ZNF236: variants seen among roughly 807,000 people sequenced by gnomAD.
The protein encoded by ZNF236 is zinc finger protein 236, also known as regulated by glucose.
A neutral mutation model predicts 191.2 loss-of-function variants in ZNF236; 50 were observed. The ratio of observed to expected loss-of-function variants is 0.26; its 90% confidence interval spans 0.21 to 0.33. The LOEUF is 0.33. Among genes scored for constraint, ZNF236 ranks in the 10% least tolerant of loss-of-function variants. The pLI, the probability that ZNF236 is intolerant of heterozygous loss-of-function variation, is 1.00. For missense variants in ZNF236, 1,754 were observed against 2,374.5 expected (o/e 0.74, Z 5.43); for synonymous variants, 907 against 928.8 (o/e 0.98, Z 0.43).
At position 76,925,219 on chromosome 18, in the gene ZNF236, G is replaced by T; in HGVS notation, c.3692G>T (p.Ser1231Ile). Residue 1231 changes from serine to isoleucine, a missense_variant, in exon 22 of 31, where the codon AGC (serine) becomes ATC (isoleucine). Ser to Ile is a moderately radical substitution (Grantham distance 142, BLOSUM62 -2). Transcript: ENST00000320610. This position sits in a 1 kb window ranked among gnomAD's most constrained non-coding sequence, Gnocchi z 5.7. Reference protein sequence around the residue: ...GQKLFSCHVCSNAFSTKGSLK... With the variant: ...GQKLFSCHVCINAFSTKGSLK... ...AAGCTCTTCAGCTGTCACGTCTGCAGCAACGCCTTCTCCACGAAGGGAAGT... is the reference window on the plus strand; with the variant it reads ...AAGCTCTTCAGCTGTCACGTCTGCATCAACGCCTTCTCCACGAAGGGAAGT... 6.2e-7 allele frequency: 1 copy of T among 1,614,100 alleles called. No individual in the cohort carries two copies.
At chr18:76,949,712 G>GC (rs35694636) in intron 27 of ZNF236, among the ~76,000 whole-genome samples, 35,099 of 149,532 alleles carry the variant, frequency 0.23, 5,126 homozygotes, top group East Asian at 0.32. Context: ...AGGCTAGAGT[G>GC]CAGTGGTGCA....
chr18:76,968,870 C>T lies in ZNF236; in HGVS notation c.*531C>T, dbSNP rs540144911. 19 of 987,458 alleles carry T rather than the reference C, an allele frequency of 1.9e-5. No individual in the cohort carries two copies. In the East Asian group the frequency reaches 2.0e-3, roughly 106 times the overall value. 61.2% of individuals were successfully genotyped at this position (987,458 alleles called of 1,614,324 possible). On this transcript the variant is annotated 3_prime_UTR_variant, in exon 31 of 31. Coordinates refer to ENST00000320610, the MANE Select transcript of ZNF236 (RefSeq NM_001306089.2). Reference sequence around the variant, plus strand: ...AAAATTAGTCAAAATGGACTCTTTTCAGTCTACCATAAGTTAATATAACTG... The same window carrying T: ...AAAATTAGTCAAAATGGACTCTTTTTAGTCTACCATAAGTTAATATAACTG...
chr18:76,838,733 C>G (rs1975403614), intron 1 of ZNF236, among the ~76,000 whole-genome samples: 1 of 152,160 alleles, frequency 6.6e-6, no homozygotes, highest in Non-Finnish European at 1.5e-5. Context: ...TTTGAGTAAA[C>G]TATATTGATA....
chr18:76,922,253 C>T (rs976031518), intron 20 of ZNF236, among the ~76,000 whole-genome samples: 6 of 152,268 alleles, frequency 3.9e-5, no homozygotes, highest in African/African-American at 1.4e-4. Flanking sequence ...AGCCTGTGTG[C>T]CTCTGATGGC....
chr18:76,907,892 GA>G (rs1029215448), intron 13 of ZNF236, among the ~76,000 whole-genome samples: 1 of 152,168 alleles, frequency 6.6e-6, no homozygotes, highest in African/African-American at 2.4e-5. Flanking sequence ...GATGAGGCTG[GA>G]GGCTCTCTGC....
intron 19 of ZNF236, among the ~76,000 whole-genome samples, chr18:76,916,612 C>T (rs1967370220): frequency 6.6e-6 from 1 of 152,148 alleles, no homozygotes; most frequent in African/African-American, 2.4e-5. Context: ...GGAAGTTCCA[C>T]GATGAAATTA....
Position 76,914,676 on chromosome 18 carries a change from G to A in ZNF236, c.3061+778G>A, listed in dbSNP as rs567638585. Among the ~76,000 whole-genome samples, 8 of 152,246 alleles carry A rather than the reference G, an allele frequency of 5.3e-5. No individual in the cohort carries two copies. In the South Asian group the frequency reaches 1.2e-3, roughly 24 times the overall value. On this transcript the variant is annotated intron_variant, in intron 18 of 30. Transcript: ENST00000320610. ...ATCATGTTAAACATCTTTCACAGAC[G>A]CTGAGAAATGTCTGTTCTAATCCTA...
chr18:76,918,205 T>C (rs181938316), intron 19 of ZNF236, among the ~76,000 whole-genome samples: 11 of 152,272 alleles, frequency 7.2e-5, no homozygotes, highest in East Asian at 3.9e-4. Flanking sequence ...TTGGAATGCG[T>C]CCTTATTTTT....
intron 20 of ZNF236, among the ~76,000 whole-genome samples, chr18:76,921,954 C>T (rs1014883294): frequency 7.9e-5 from 12 of 151,978 alleles, no homozygotes; most frequent in African/African-American, 2.9e-4. Context: ...TGAAGGGTGT[C>T]CTGCTCCCCA....
At chr18:76,844,042 C>G (rs970345069) in intron 1 of ZNF236, among the ~76,000 whole-genome samples, 49 of 151,872 alleles carry the variant, frequency 3.2e-4, no homozygotes, top group African/African-American at 1.2e-3. Flanking sequence ...GAGTTCGAGA[C>G]CAGCCTAACC....
chr18:76,842,566 A>C (rs1036583729), intron 1 of ZNF236, among the ~76,000 whole-genome samples: 1 of 152,042 alleles, frequency 6.6e-6, no homozygotes, highest in African/African-American at 2.4e-5. Context: ...AGTGTGACCA[A>C]CATGGAGAAA....
In ZNF236 at chr18:76,925,688, A is replaced by G. The variant is rs867804815; in HGVS notation, c.4027+134A>G. 70 of 1,281,240 alleles carry G rather than the reference A, an allele frequency of 5.5e-5. No individual in the cohort carries two copies. The Middle Eastern group carries it at 1.5e-3, about 28-fold the overall frequency. 79.4% of individuals were successfully genotyped at this position (1,281,240 alleles called of 1,614,324 possible). On this transcript the variant is annotated intron_variant, in intron 22 of 30. Coordinates refer to ENST00000320610, the MANE Select transcript of ZNF236 (RefSeq NM_001306089.2). This position sits in a 1 kb window ranked among gnomAD's most constrained non-coding sequence, Gnocchi z 5.7. ...TCCCTTCTTTGAGCCTTTTCCTTATAAGGCATTCGGAAAAATTGGAATTCC... is the reference window on the plus strand; with the variant it reads ...TCCCTTCTTTGAGCCTTTTCCTTATGAGGCATTCGGAAAAATTGGAATTCC...
intron 25 of ZNF236, among the ~76,000 whole-genome samples, chr18:76,930,473 CT>C (rs1967816372): frequency 6.6e-6 from 1 of 152,182 alleles, no homozygotes; most frequent in African/African-American, 2.4e-5. Context: ...ATATTCATTT[CT>C]AGTTGCCATA....
chr18:76,913,951 T>A, intron 18 of ZNF236, 53 bp downstream of exon 18: 1 of 1,597,644 alleles, frequency 6.3e-7, no homozygotes, highest in Non-Finnish European at 8.6e-7. Flanking sequence ...AAAAGCTTTA[T>A]TGAGATATAA....
intron 18 of ZNF236, among the ~76,000 whole-genome samples, chr18:76,914,286 A>G (rs1489575005): frequency 6.6e-6 from 1 of 152,148 alleles, no homozygotes; most frequent in Non-Finnish European, 1.5e-5. Context: ...ATTCCTTTCC[A>G]TTGTAGGATA....
chr18:76,968,150 A>T, intron 30 of ZNF236, 65 bp from the exon 31 acceptor site: 31 of 1,585,170 alleles, frequency 2.0e-5, no homozygotes, highest in Non-Finnish European at 2.6e-5. Flanking sequence ...TCTTTATTTA[A>T]ATAGGAATCA....
chr18:76,895,476 C>T (rs766783506), intron 10 of ZNF236, 191 bp downstream of exon 10: 195 of 766,730 alleles, frequency 2.5e-4, no homozygotes, highest in Non-Finnish European at 3.6e-4. Context: ...GCAGCACCCA[C>T]ACCGGTACTG....
intron 1 of ZNF236, among the ~76,000 whole-genome samples, chr18:76,844,950 T>C (rs1239461310): frequency 6.6e-6 from 1 of 152,208 alleles, no homozygotes; most frequent in Non-Finnish European, 1.5e-5. Context: ...GGGTAGGGCA[T>C]TGAATAAAGA....
chr18:76,948,384 G>A (rs866376937), intron 27 of ZNF236, among the ~76,000 whole-genome samples: 1 of 152,294 alleles, frequency 6.6e-6, no homozygotes, highest in South Asian at 2.1e-4. Flanking sequence ...AGTTTGACCT[G>A]AGTAACCAGA....
Sources: allele counts gnomAD v4.1 joint callset (sites outside exome capture counted in the v4.1 genomes callset), GRCh38; gene constraint gnomAD v4.1.1; non-coding constraint Gnocchi (gnomAD v3.1); transcripts MANE v1.5; gene names NCBI Gene and HGNC (gene_info 2026-07-23, HGNC 2026-07-21).